The following SSPN variants were observed in gnomAD, a reference collection of about 807,000 sequenced individuals.
The protein encoded by SSPN is sarcospan.
SSPN carries 15 observed loss-of-function variants against 19.1 expected under a neutral mutation model. The ratio of observed to expected loss-of-function variants is 0.78; its 90% CI spans 0.52 to 1.21. SSPN has a LOEUF of 1.21. Among genes scored for constraint, SSPN ranks in the 50% most tolerant of loss-of-function variants. SSPN has a pLI of 0.00. For missense variants in SSPN, 291 were observed against 314.0 expected, an observed-to-expected ratio of 0.93 and a Z score of 0.55; for synonymous variants, 147 against 140.3, an observed-to-expected ratio of 1.05 and a Z score of -0.34.
intron 1 of SSPN, among the ~76,000 whole-genome samples, chr12:26,162,074 G>A (rs1021950014): frequency 9.9e-5 from 15 of 152,146 alleles, no homozygotes; most frequent in Admixed American, 3.9e-4. Context: ...ATAAATGAAT[G>A]TTTTTGGTGC....
chr12:26,206,113 T>C (rs1186059075), intron 1 of SSPN, among the ~76,000 whole-genome samples: 1 of 152,140 alleles, frequency 6.6e-6, no homozygotes, highest in Non-Finnish European at 1.5e-5. Context: ...TCCCTGAAGC[T>C]TTGCTCCCCT....
chr12:26,195,642 C>CCGGG lies in SSPN; in HGVS notation c.-31_-30insCGGG. 1.1e-6 allele frequency: 1 copy of CCGGG among 907,526 alleles called. No homozygotes were observed. Among genetic ancestry groups the CCGGG allele is most frequent in the Non-Finnish European group, 1.4e-6 (1 of 720,072 alleles). 56.2% of individuals were successfully genotyped at this position (907,526 alleles called of 1,614,324 possible). A position where few individuals can be genotyped will look rare whatever the true frequency, so the allele number is the denominator to read the frequency against. On this transcript the variant is annotated 5_prime_UTR_variant, in exon 1 of 3. Transcript: ENST00000242729. ...TCCAGGGCCCAGGGCGCCGCACACGCACCCACCCACCCACCCAGCCTCGCA... is the reference window on the plus strand; with the variant it reads ...TCCAGGGCCCAGGGCGCCGCACACGCCGGGACCCACCCACCCACCCAGCCTCGCA...
At chr12:26,203,409 T>C (rs1396496604) in intron 1 of SSPN, among the ~76,000 whole-genome samples, 1 of 152,170 alleles carries the variant, frequency 6.6e-6, no homozygotes, top group Non-Finnish European at 1.5e-5. Context: ...AGTCTAGGTT[T>C]ATCACGATGA....
chr12:26,137,254 C>T (rs963601686), intron 1 of SSPN, among the ~76,000 whole-genome samples: 17 of 152,152 alleles, frequency 1.1e-4, no homozygotes, highest in South Asian at 2.1e-4. Context: ...GAAAACACTG[C>T]GGCTGCAGAG....
chr12:26,221,648 A>C (rs1945122812), intron 1 of SSPN, among the ~76,000 whole-genome samples: 1 of 152,258 alleles, frequency 6.6e-6, no homozygotes, highest in African/African-American at 2.4e-5. Flanking sequence ...GCACTGAATC[A>C]GATTTTTAAG....
intron 1 of SSPN, among the ~76,000 whole-genome samples, chr12:26,157,360 A>G (rs1420646353): frequency 6.6e-6 from 1 of 152,240 alleles, no homozygotes; most frequent in Non-Finnish European, 1.5e-5. Flanking sequence ...TAAACTGACT[A>G]CTGGGAAATA....
chr12:26,223,488 G>A (rs1363472536), intron 1 of SSPN, among the ~76,000 whole-genome samples: 2 of 145,848 alleles, frequency 1.4e-5, no homozygotes, highest in African/African-American at 5.0e-5. Context: ...GGGATGACAG[G>A]CATGAGGCAC....
intron 1 of SSPN, among the ~76,000 whole-genome samples, chr12:26,131,067 C>G (rs1273228928): frequency 6.6e-6 from 1 of 152,210 alleles, no homozygotes; most frequent in Non-Finnish European, 1.5e-5. Context: ...AGTGATGTGA[C>G]TAAAAGGAAA....
intron 1 of SSPN, among the ~76,000 whole-genome samples, chr12:26,183,640 G>A (rs920026613): frequency 6.6e-6 from 1 of 152,176 alleles, no homozygotes; most frequent in African/African-American, 2.4e-5. Flanking sequence ...TTAGAAATTA[G>A]GGAAGATGTT....
Position 26,124,892 on chromosome 12 carries a change from T to C in SSPN, c.-31+2740T>C. 3.8e-6 allele frequency: 4 copies of C among 1,045,796 alleles called. No homozygotes were observed. In the Middle Eastern group the frequency reaches 8.9e-4, roughly 233 times the overall value. 64.8% of individuals were successfully genotyped at this position (1,045,796 alleles called of 1,614,324 possible). On this transcript the variant is annotated intron_variant, in intron 1 of 2. Transcript: ENST00000538142. ...GATCTGTGCGTCTCCAGTCTCTCTC[T>C]CGCTCTCCCTCTTCAGTGCAGTGTT...
intron 1 of SSPN, among the ~76,000 whole-genome samples, chr12:26,196,189 ACT>A (rs1388813739): frequency 2.0e-5 from 3 of 152,084 alleles, no homozygotes; most frequent in Non-Finnish European, 2.9e-5. Flanking sequence ...ACGGGGCCTG[ACT>A]CTGACGCTCT....
intron 1 of SSPN, among the ~76,000 whole-genome samples, 161 bp downstream of exon 1, chr12:26,196,112 C>T (rs1424983101): frequency 2.0e-5 from 3 of 152,310 alleles, no homozygotes; most frequent in East Asian, 1.9e-4. Context: ...TGGGTTTTCC[C>T]GGGCGGGGCA....
In SSPN at chr12:26,179,919, C is replaced by CTTTTTTTT. The variant is rs10591596; in HGVS notation, c.-30-44357_-30-44350dup. ...ATGATTGGCTTTTTATTTAGCTAGG[C>CTTTTTTTT]TTTTTTTTTTTTTTTTTTTTTTTTG... On this transcript the variant is annotated intron_variant, in intron 1 of 2. Transcript: ENST00000538142. 78 of 68,256 alleles carry CTTTTTTTT rather than the reference C, an allele frequency of 1.1e-3. 1 individual carries two copies. Among genetic ancestry groups the CTTTTTTTT allele is most frequent in the Non-Finnish European group, 1.8e-3 (70 of 38,730 alleles). The allele number at this position is 68,256 out of a possible 1,614,324, so 4.2% of individuals were successfully genotyped here. A position where few individuals can be genotyped will look rare whatever the true frequency, so the allele number is the denominator to read the frequency against.
At chr12:26,140,283 C>G (rs959920806) in intron 1 of SSPN, among the ~76,000 whole-genome samples, 3 of 152,208 alleles carry the variant, frequency 2.0e-5, no homozygotes, top group Non-Finnish European at 4.4e-5. Context: ...GTCAATGACA[C>G]TACCATGTAC....
rs1945264518 is a variant in SSPN, at chr12:26,234,326, TC to T, written c.*3251del. 6.6e-6 allele frequency: 1 copy of T among 152,202 alleles called. No homozygotes were observed. The highest frequency in any genetic ancestry group is 1.5e-5 in the Non-Finnish European group (1 of 68,034). 9.4% of individuals were successfully genotyped at this position (152,202 alleles called of 1,614,324 possible). A position where few individuals can be genotyped will look rare whatever the true frequency, so the allele number is the denominator to read the frequency against. ...TCCTTTCCTATCATGAAGAGTACCT[TC>T]ATATTTTCTAGAGATTGTCTCTGAA... On this transcript the variant is annotated 3_prime_UTR_variant, in exon 3 of 3. Transcript: ENST00000242729.
intron 1 of SSPN, among the ~76,000 whole-genome samples, chr12:26,136,574 C>T (rs964430725): frequency 1.7e-4 from 26 of 152,138 alleles, no homozygotes; most frequent in African/African-American, 5.8e-4. Context: ...CCCATTTGAG[C>T]TGCTTGGTTA....
chr12:26,125,165 C>A, intron 1 of SSPN: 1 of 352,104 alleles, frequency 2.8e-6, no homozygotes, highest in Non-Finnish European at 5.4e-6. Context: ...CGGGAGAAGG[C>A]GGCGAGAGAA....
chr12:26,134,551 A>G (rs1944414496), intron 1 of SSPN, among the ~76,000 whole-genome samples: 4 of 152,198 alleles, frequency 2.6e-5, no homozygotes, highest in South Asian at 4.1e-4. Flanking sequence ...CAGACACACA[A>G]CTCTTCTGAA....
In SSPN at chr12:26,148,583, C is replaced by T. The variant is rs370160038; in HGVS notation, c.-31+26431C>T. ...TCTACTTAACGTTTTACGATTTTGG[C>T]ATCTTGCATTCTATAATATTTTAAC... On this transcript the variant is annotated intron_variant, in intron 1 of 2. Transcript: ENST00000538142. Among the ~76,000 whole-genome samples, 26 of 152,272 alleles carry T rather than the reference C, an allele frequency of 1.7e-4. No homozygotes were observed. The East Asian group carries it at 4.8e-3, about 28-fold the overall frequency.
Sources: gnomAD v4.1 joint callset for allele counts (sites outside exome capture counted in the v4.1 genomes callset) on GRCh38, gnomAD v4.1.1 for gene constraint, MANE v1.5 for transcripts, NCBI Gene and HGNC (gene_info 2026-07-23, HGNC 2026-07-21) for gene names.